Variants in STS observed in about 807,000 individuals in gnomAD.
STS encodes steroid sulfatase, also known as steryl-sulfatase.
Under a neutral mutation model 26.8 loss-of-function variants are expected in STS, and 7 were observed. That is an observed-to-expected ratio of 0.26 (90% CI 0.15 to 0.49). STS has a LOEUF of 0.49. Ranked by LOEUF, STS falls within the 20% of genes least tolerant of loss-of-function variation. STS has a pLI of 0.98. For missense variants in STS, 434 were observed against 465.6 expected, an observed-to-expected ratio of 0.93 and a Z score of 0.63; for synonymous variants, 199 against 189.4, an observed-to-expected ratio of 1.05 and a Z score of -0.42.
At chrX:7,231,282 ATTG>A (rs1355707751) in intron 2 of STS, among the ~76,000 whole-genome samples, 1 of 112,331 alleles carries the variant, frequency 8.9e-6, no homozygotes, top group African/African-American at 3.2e-5. Context: ...GTTGTACAAC[ATTG>A]TTGTACAATT....
intron 2 of STS, among the ~76,000 whole-genome samples, chrX:7,200,268 A>G (rs1019651370): frequency 9.0e-6 from 1 of 111,247 alleles, no homozygotes; most frequent in Admixed American, 9.6e-5. Flanking sequence ...TTCTTCTTTC[A>G]TCGCATGGGG....
At chrX:7,187,185 A>G in intron 1 of STS, among the ~76,000 whole-genome samples, 1 of 112,208 alleles carries the variant, frequency 8.9e-6, no homozygotes, top group East Asian at 2.8e-4. Flanking sequence ...CCCACAAAGG[A>G]CGTTCTCTGT....
At chrX:7,187,726 A>G (rs1933799569) in intron 1 of STS, among the ~76,000 whole-genome samples, 2 of 112,192 alleles carry the variant, frequency 1.8e-5, no homozygotes, top group African/African-American at 6.5e-5. Context: ...TGATGCCTCA[A>G]GTTGGTTCAG....
intron 7 of STS, among the ~76,000 whole-genome samples, chrX:7,279,361 ATGTG>A (rs149132899): frequency 3.5e-4 from 28 of 80,725 alleles, no homozygotes; most frequent in South Asian, 1.3e-3. Context: ...GTGTGTGTAT[ATGTG>A]TGTGTGTGTG....
chrX:7,223,135 T>A (rs1439629290), intron 2 of STS, among the ~76,000 whole-genome samples: 2 of 112,068 alleles, frequency 1.8e-5, no homozygotes, highest in Admixed American at 9.5e-5. Context: ...CACTTTTTTT[T>A]ATCCAATCCT....
At chrX:7,341,608 G>T (rs1928285341) in intron 10 of STS, among the ~76,000 whole-genome samples, 1 of 111,877 alleles carries the variant, frequency 8.9e-6, no homozygotes, top group South Asian at 3.7e-4. Flanking sequence ...CCTCACAGTA[G>T]TCTGTTGGTC....
At chrX:7,254,467 T>C (rs7058445) in intron 3 of STS, among the ~76,000 whole-genome samples, 28,714 of 110,079 alleles carry the variant, frequency 0.26, 2,939 homozygotes, top group Admixed American at 0.42. Flanking sequence ...AAAATAGTTC[T>C]ATGGAGAGCT....
At chrX:7,240,156 G>A (rs898080835) in intron 2 of STS, among the ~76,000 whole-genome samples, 1 of 109,723 alleles carries the variant, frequency 9.1e-6, no homozygotes, top group African/African-American at 3.3e-5. Context: ...ACAGGTGTGA[G>A]CCACCCTGAC....
In STS at chrX:7,282,972, G is replaced by T. The variant is rs1924946896; in HGVS notation, c.943+6885G>T. 4.5e-5 allele frequency among the ~76,000 whole-genome samples: 5 copies of T among 111,742 alleles called. No homozygotes were observed. The Admixed American group carries it at 4.8e-4, about 11-fold the overall frequency. Reference sequence around the variant, plus strand: ...CACAATTTATCTCCATCTAATCCAGGATAAGAGTTTAGAAATCAACCTTCA... The same window carrying T: ...CACAATTTATCTCCATCTAATCCAGTATAAGAGTTTAGAAATCAACCTTCA... On this transcript the variant is annotated intron_variant, in intron 7 of 10. Transcript: ENST00000674429.
At chrX:7,205,316 G>C (rs1346230038) in intron 2 of STS, among the ~76,000 whole-genome samples, 4 of 111,969 alleles carry the variant, frequency 3.6e-5, no homozygotes, top group South Asian at 3.7e-4. Context: ...ATCACGTTTT[G>C]TTGTTCCCCC....
intron 10 of STS, among the ~76,000 whole-genome samples, chrX:7,334,808 AT>A (rs1927934225): frequency 8.9e-6 from 1 of 112,624 alleles, no homozygotes; most frequent in African/African-American, 3.2e-5. Context: ...GTTCTATCTC[AT>A]TTTCTGAACT....
intron 6 of STS, among the ~76,000 whole-genome samples, chrX:7,263,045 C>T (rs1309151135): frequency 8.9e-6 from 1 of 112,106 alleles, no homozygotes; most frequent in Non-Finnish European, 1.9e-5. Flanking sequence ...TATAATGGAG[C>T]TGCCTTATGC....
rs920572237 is a variant in STS, at chrX:7,350,273, G to T, written c.*12G>T. On this transcript the variant is annotated 3_prime_UTR_variant, in exon 11 of 11. Coordinates refer to ENST00000674429, the MANE Select transcript of STS (RefSeq NM_001320752.2). ...GACTGAGCCGCTAGCAGCGCCTGGG[G>T]ACCAGACAGACGCATGTGGCAAAGC... 5.0e-6 allele frequency: 6 copies of T among 1,200,606 alleles called. No homozygotes were observed. The highest frequency in any genetic ancestry group is 2.5e-4 in the Middle Eastern group (1 of 3,999).
At position 7,325,325 on chromosome X, in the gene STS, T is replaced by C; in HGVS notation, c.1082-14T>C. ...ATCTCCCTGTTGCCTCTTACCTCTT[T>C]TTTGATCTTTTAGGAGGAAAAGCAA... On this transcript the variant is annotated splice_polypyrimidine_tract_variant and intron_variant, in intron 8 of 10. Transcript: ENST00000674429. 2 of 1,210,914 alleles carry C rather than the reference T, an allele frequency of 1.7e-6. No homozygotes were observed. Among genetic ancestry groups the C allele is most frequent in the South Asian group, 1.8e-5 (1 of 56,869 alleles).
chrX:7,210,504 ATATT>A (rs1380066702), intron 2 of STS, among the ~76,000 whole-genome samples: 5 of 107,557 alleles, frequency 4.6e-5, no homozygotes, highest in South Asian at 7.4e-4. Flanking sequence ...TATTAAATAT[ATATT>A]TATAAAAAAT....
chrX:7,229,604 C>T (rs185085540), intron 2 of STS, among the ~76,000 whole-genome samples: 60 of 110,537 alleles, frequency 5.4e-4, no homozygotes, highest in African/African-American at 1.4e-3. Flanking sequence ...GTGTGGTGTA[C>T]GATTCCCCAG....
intron 2 of STS, among the ~76,000 whole-genome samples, chrX:7,199,008 A>G (rs768605607): frequency 4.0e-4 from 45 of 111,520 alleles, no homozygotes; most frequent in Non-Finnish European, 7.0e-4. Flanking sequence ...CTTACTGACA[A>G]TCACTTAATA....
intron 1 of STS, among the ~76,000 whole-genome samples, chrX:7,163,056 CAAAAAAA>C (rs60006129): frequency 1.7e-3 from 126 of 74,909 alleles, no homozygotes; most frequent in South Asian, 0.012. Context: ...GACTCCGTCT[CAAAAAAA>C]AAAAAAAAAA....
At position 7,350,427 on chromosome X, in the gene STS, A is replaced by G; in HGVS notation, c.*166A>G. The G allele has an allele frequency of 3.0e-6, 2 of 675,930 alleles. No individual in the cohort carries two copies. The highest frequency in any genetic ancestry group is 4.4e-6 in the Non-Finnish European group (2 of 453,233). The allele number at this position is 675,930 out of a possible 1,213,427, so 55.7% of individuals were successfully genotyped here. ...TGGGCCAGAGCTCAACAGCTACTCA[A>G]CTGGAGGGGTGAGGGGGATAAGGTC... On this transcript the variant is annotated 3_prime_UTR_variant, in exon 11 of 11. Transcript: ENST00000674429.
Sources: allele counts gnomAD v4.1 joint callset (sites outside exome capture counted in the v4.1 genomes callset), GRCh38; gene constraint gnomAD v4.1.1; transcripts MANE v1.5; gene names NCBI Gene and HGNC (gene_info 2026-07-23, HGNC 2026-07-21).